Variants in MBIP observed in about 807,000 individuals in gnomAD.
MBIP encodes MAP3K12 binding inhibitory protein 1, also known as MAP3K12-binding inhibitory protein 1.
Under a neutral mutation model 45.7 loss-of-function variants are expected in MBIP, and 32 were observed. The ratio of observed to expected loss-of-function variants is 0.70; its 90% confidence interval spans 0.53 to 0.94. The LOEUF (loss-of-function observed/expected upper bound fraction) is 0.94. Among genes scored for constraint, MBIP ranks in the 40% least tolerant of loss-of-function variants. MBIP has a pLI of 0.00. For missense variants in MBIP, 381 were observed against 405.5 expected, an observed-to-expected ratio of 0.94 and a Z score of 0.52; for synonymous variants, 145 against 141.0, an observed-to-expected ratio of 1.03 and a Z score of -0.20.
chr14:36,304,290 G>A (rs1226898651), intron 7 of MBIP, among the ~76,000 whole-genome samples: 5 of 152,142 alleles, frequency 3.3e-5, no homozygotes, highest in Non-Finnish European at 7.3e-5. Flanking sequence ...CCAATAATGA[G>A]CTATCAGCCA....
chr14:36,308,065 T>G, intron 7 of MBIP, 27 bp downstream of exon 7: 1 of 1,214,260 alleles, frequency 8.2e-7, no homozygotes, highest in Middle Eastern at 1.9e-4. Flanking sequence ...ACATTTTCAT[T>G]TATTTTTAAA....
intron 7 of MBIP, among the ~76,000 whole-genome samples, chr14:36,301,928 G>T (rs1193038049): frequency 4.6e-5 from 7 of 152,174 alleles, no homozygotes; most frequent in Non-Finnish European, 1.0e-4. Context: ...TTTAAAGACA[G>T]CATTAAAACT....
intron 6 of MBIP, among the ~76,000 whole-genome samples, chr14:36,310,403 C>T (rs536727633): frequency 1.3e-5 from 2 of 152,266 alleles, no homozygotes; most frequent in South Asian, 4.1e-4. Flanking sequence ...CCTACTAATC[C>T]TTCAAGGCCT....
At chr14:36,314,363 G>A in intron 4 of MBIP, 149 bp downstream of exon 4, 1 of 563,130 alleles carries the variant, frequency 1.8e-6, no homozygotes, top group South Asian at 2.9e-5. Context: ...TAAGCAGAAG[G>A]AAACTCTACT....
In MBIP at chr14:36,298,932, G is replaced by A. The variant is rs1879360254; in HGVS notation, c.*151C>T. The A allele has an allele frequency of 2.1e-6, 1 of 487,720 alleles. No individual in the cohort carries two copies. The highest frequency in any genetic ancestry group is 3.2e-5 in the East Asian group (1 of 30,964). The allele number at this position is 487,720 out of a possible 1,614,324, so 30.2% of individuals were successfully genotyped here. Reference sequence around the variant, plus strand: ...TTCAAAACTTACTGGAATATTTGAAGATTACTTGCTGCAAGCTGGACTCAT... The same window carrying A: ...TTCAAAACTTACTGGAATATTTGAAAATTACTTGCTGCAAGCTGGACTCAT... On this transcript the variant is annotated 3_prime_UTR_variant, in exon 9 of 9. Coordinates refer to ENST00000416007, the MANE Select transcript of MBIP (RefSeq NM_016586.3).
At chr14:36,307,235 A>G (rs1879938041) in intron 7 of MBIP, among the ~76,000 whole-genome samples, 1 of 152,140 alleles carries the variant, frequency 6.6e-6, no homozygotes, top group Non-Finnish European at 1.5e-5. Context: ...CTTATACTCA[A>G]TCTATAACTT....
chr14:36,319,713 C>A, intron 1 of MBIP: 1 of 206,212 alleles, frequency 4.8e-6, no homozygotes, highest in Non-Finnish European at 1.0e-5. Flanking sequence ...GGTAAACAAG[C>A]ATACTTTTAA....
At chr14:36,317,724 G>A (rs1880658434) in intron 1 of MBIP, among the ~76,000 whole-genome samples, 1 of 152,036 alleles carries the variant, frequency 6.6e-6, no homozygotes, top group South Asian at 2.1e-4. Flanking sequence ...AGGGACATGT[G>A]TTTACAGCAT....
chr14:36,307,910 A>G (rs1451619310), intron 7 of MBIP, 182 bp downstream of exon 7: 2 of 381,332 alleles, frequency 5.2e-6, no homozygotes, highest in Non-Finnish European at 9.3e-6. Context: ...TCTAAATTTT[A>G]AAAATATTCA....
intron 7 of MBIP, 141 bp from the exon 8 acceptor site, chr14:36,300,964 T>C: frequency 1.9e-6 from 1 of 536,002 alleles, no homozygotes; most frequent in Non-Finnish European, 3.3e-6. Context: ...CCAATTACTG[T>C]CTGTAACCAA....
At chr14:36,318,572 T>C (rs1274684223) in intron 1 of MBIP, among the ~76,000 whole-genome samples, 1 of 152,038 alleles carries the variant, frequency 6.6e-6, no homozygotes, top group African/African-American at 2.4e-5. Context: ...ATATTTTCAG[T>C]AAAAACTTTA....
intron 7 of MBIP, among the ~76,000 whole-genome samples, chr14:36,303,613 G>T (rs1366655775): frequency 6.6e-6 from 1 of 152,096 alleles, no homozygotes; most frequent in African/African-American, 2.4e-5. Context: ...TAATTTTATG[G>T]GATCACTGTA....
Position 36,314,691 on chromosome 14 carries a change from T to G in MBIP, c.474A>C (p.Glu158Asp). The change falls in exon 3 of 9, where the codon GAA (glutamate) becomes GAC (aspartate). Residue 158 changes from glutamate (E) to aspartate (D), a missense_variant and splice_region_variant. Coordinates refer to ENST00000416007, the MANE Select transcript of MBIP (RefSeq NM_016586.3). ...CGCCCCCGCCAAAAAACCTTCTTAC[T>G]TCTGCTTTTCCAGCCTTTATCTGAA... ...EVVQIKAGKA[E>D]IDRRISAFIE... The G allele has an allele frequency of 6.2e-7, 1 of 1,612,648 alleles. No homozygotes were observed. Among genetic ancestry groups the G allele is most frequent in the Non-Finnish European group, 8.5e-7 (1 of 1,179,188 alleles).
At chr14:36,316,594 A>G in intron 2 of MBIP, 99 bp downstream of exon 2, 1 of 1,072,200 alleles carries the variant, frequency 9.3e-7, no homozygotes, top group Non-Finnish European at 1.4e-6. Flanking sequence ...TAGCAACACT[A>G]TTAATATAGT....
chr14:36,302,168 A>C (rs2139197127), intron 7 of MBIP, among the ~76,000 whole-genome samples: 1 of 152,346 alleles, frequency 6.6e-6, no homozygotes, highest in South Asian at 2.1e-4. Flanking sequence ...TAACTTCCTA[A>C]GAGGTGGCTT....
intron 8 of MBIP, among the ~76,000 whole-genome samples, 154 bp from the exon 9 acceptor site, chr14:36,299,344 T>A (rs1029262715): frequency 6.6e-6 from 1 of 152,110 alleles, no homozygotes; most frequent in Non-Finnish European, 1.5e-5. Flanking sequence ...TGAGCAACTA[T>A]ATATGTTGAC....
intron 7 of MBIP, among the ~76,000 whole-genome samples, chr14:36,305,463 C>T (rs951768867): frequency 3.9e-5 from 6 of 151,938 alleles, no homozygotes; most frequent in African/African-American, 1.5e-4. Context: ...TTTGGAAATA[C>T]TTTTAAAAAT....
At chr14:36,311,499 G>A (rs1443034057) in intron 6 of MBIP, 74 bp downstream of exon 6, 8 of 1,407,296 alleles carry the variant, frequency 5.7e-6, no homozygotes, top group South Asian at 5.4e-5. Context: ...TGAAAATTTG[G>A]TGACTAAATG....
At chr14:36,311,304 T>TA (rs369608749) in intron 6 of MBIP, among the ~76,000 whole-genome samples, 9 of 152,074 alleles carry the variant, frequency 5.9e-5, no homozygotes, top group African/African-American at 2.2e-4. Flanking sequence ...CTTTTTTTTT[T>TA]AGAGTTGTCA....
Sources: allele counts gnomAD v4.1 joint callset (sites outside exome capture counted in the v4.1 genomes callset), GRCh38; gene constraint gnomAD v4.1.1; transcripts MANE v1.5; gene names NCBI Gene and HGNC (gene_info 2026-07-23, HGNC 2026-07-21).